Variants in AGBL4 observed in about 807,000 individuals in gnomAD.
AGBL4 encodes AGBL carboxypeptidase 4.
A neutral mutation model predicts 66.4 loss-of-function variants in AGBL4; 58 were observed. The observed-to-expected ratio is 0.87, with a 90% CI of 0.71 to 1.09. AGBL4 has a LOEUF of 1.09. Ranked by LOEUF, AGBL4 falls within the 50% of genes least tolerant of loss-of-function variation. The probability of loss-of-function intolerance (pLI) is 0.00; values close to 1 mark genes in which losing one functional copy is unlikely to be tolerated. For missense variants in AGBL4, 579 were observed against 631.0 expected, an observed-to-expected ratio of 0.92 and a Z score of 0.88; for synonymous variants, 234 against 222.9, an observed-to-expected ratio of 1.05 and a Z score of -0.44.
At chr1:49,505,341 G>A (rs916817476) in intron 3 of AGBL4, among the ~76,000 whole-genome samples, 3 of 150,984 alleles carry the variant, frequency 2.0e-5, no homozygotes, top group Non-Finnish European at 4.4e-5. Context: ...ATTCTCATAT[G>A]TTTTTGTGTC....
chr1:49,688,992 G>C (rs1646836782), intron 3 of AGBL4, among the ~76,000 whole-genome samples: 1 of 152,058 alleles, frequency 6.6e-6, no homozygotes, highest in African/African-American at 2.4e-5. Flanking sequence ...GGTGGGTAGA[G>C]TTTGCAAATA....
chr1:48,979,404 C>G (rs1056896077), intron 5 of AGBL4, among the ~76,000 whole-genome samples: 4 of 151,950 alleles, frequency 2.6e-5, no homozygotes, highest in African/African-American at 9.7e-5. Context: ...AGACACATTC[C>G]CTACCCTCAG....
intron 4 of AGBL4, among the ~76,000 whole-genome samples, chr1:49,207,501 CTT>C (rs1308282040): frequency 2.1e-4 from 30 of 146,160 alleles, no homozygotes; most frequent in African/African-American, 7.6e-4. Context: ...TCTTTTCTTT[CTT>C]TCTTTTTCTT....
intron 4 of AGBL4, among the ~76,000 whole-genome samples, chr1:49,105,565 G>A (rs1269077131): frequency 6.6e-6 from 1 of 152,142 alleles, no homozygotes; most frequent in African/African-American, 2.4e-5. Flanking sequence ...GAAAAAATAT[G>A]GGAGCATCTA....
intron 3 of AGBL4, chr1:49,471,972 T>A (rs2148713591): frequency 6.6e-6 from 1 of 152,132 alleles, no homozygotes; most frequent in South Asian, 2.1e-4. Context: ...AGAGGAAATG[T>A]GGGGTACCAG....
chr1:49,618,067 G>A (rs962838478), intron 3 of AGBL4, among the ~76,000 whole-genome samples: 5 of 152,016 alleles, frequency 3.3e-5, no homozygotes, highest in South Asian at 4.1e-4. Context: ...ATGTGTTCTC[G>A]TTGTTCAACT....
intron 3 of AGBL4, among the ~76,000 whole-genome samples, chr1:49,379,342 A>C (rs1644542180): frequency 6.6e-6 from 1 of 152,154 alleles, no homozygotes; most frequent in Non-Finnish European, 1.5e-5. Flanking sequence ...ATGCTTTCTT[A>C]ATAGCAGAGT....
At chr1:49,845,286 A>G (rs1434217851) in intron 2 of AGBL4, 4 of 1,558,458 alleles carry the variant, frequency 2.6e-6, no homozygotes, top group Non-Finnish European at 3.5e-6. Flanking sequence ...AAATTGCCCC[A>G]CTGATCCAGC....
intron 1 of AGBL4, among the ~76,000 whole-genome samples, chr1:49,897,127 A>G (rs1649302647): frequency 6.6e-6 from 1 of 152,112 alleles, no homozygotes; most frequent in Non-Finnish European, 1.5e-5. Flanking sequence ...CAAATAACAG[A>G]CAGACATAAA....
chr1:49,627,922 A>G (rs1645495849), intron 3 of AGBL4, among the ~76,000 whole-genome samples: 1 of 152,168 alleles, frequency 6.6e-6, no homozygotes, highest in Non-Finnish European at 1.5e-5. Flanking sequence ...TCCATAAGGC[A>G]GTTACTTATG....
intron 5 of AGBL4, among the ~76,000 whole-genome samples, chr1:49,039,409 A>G (rs1208567499): frequency 6.6e-6 from 1 of 152,150 alleles, no homozygotes; most frequent in African/African-American, 2.4e-5. Context: ...AAGATTGTTA[A>G]TAACAGGAGA....
chr1:48,893,778 C>T (rs1651231420), intron 5 of AGBL4, among the ~76,000 whole-genome samples: 1 of 152,116 alleles, frequency 6.6e-6, no homozygotes, highest in African/African-American at 2.4e-5. Context: ...CTACAAGAAG[C>T]CAGTAGTCTG....
chr1:49,561,860 C>A (rs1038809988), intron 3 of AGBL4, among the ~76,000 whole-genome samples: 5 of 152,034 alleles, frequency 3.3e-5, no homozygotes, highest in Admixed American at 1.3e-4. Context: ...ATTTCTAGTT[C>A]TAGATCCCTG....
At chr1:49,017,497 G>A (rs1472265665) in intron 5 of AGBL4, among the ~76,000 whole-genome samples, 1 of 152,020 alleles carries the variant, frequency 6.6e-6, no homozygotes, top group East Asian at 1.9e-4. Flanking sequence ...GGAGATATTT[G>A]GAGTTCAAAC....
chr1:49,761,054 G>A (rs914879822), intron 2 of AGBL4, among the ~76,000 whole-genome samples: 28 of 151,878 alleles, frequency 1.8e-4, no homozygotes, highest in Non-Finnish European at 4.0e-4. Context: ...CTTAGAGGAT[G>A]GGTCAATAGG....
At chr1:49,037,953 A>C (rs1664796185) in intron 5 of AGBL4, among the ~76,000 whole-genome samples, 1 of 152,110 alleles carries the variant, frequency 6.6e-6, no homozygotes, top group Non-Finnish European at 1.5e-5. Context: ...ATGTAGACAA[A>C]TTACTTAATC....
intron 1 of AGBL4, among the ~76,000 whole-genome samples, chr1:49,984,310 C>T (rs1659324271): frequency 6.6e-6 from 1 of 152,168 alleles, no homozygotes; most frequent in Non-Finnish European, 1.5e-5. Context: ...AGACCACCAG[C>T]CATGGACTGG....
intron 5 of AGBL4, among the ~76,000 whole-genome samples, chr1:48,926,596 A>G (rs770015025): frequency 2.7e-4 from 41 of 151,958 alleles, no homozygotes; most frequent in Non-Finnish European, 4.4e-4. Context: ...CCAACCATGG[A>G]TGATTTAAAA....
intron 4 of AGBL4, among the ~76,000 whole-genome samples, chr1:49,085,074 T>G (rs1339720325): frequency 6.6e-6 from 1 of 152,092 alleles, no homozygotes; most frequent in Non-Finnish European, 1.5e-5. Context: ...GATTAGCATT[T>G]GAATTGGTAG....
Sources: allele counts gnomAD v4.1 joint callset (sites outside exome capture counted in the v4.1 genomes callset), GRCh38; gene constraint gnomAD v4.1.1; transcripts MANE v1.5; gene names NCBI Gene and HGNC (gene_info 2026-07-23, HGNC 2026-07-21).